HOMER1: variants seen among roughly 807,000 people sequenced by gnomAD.
HOMER1 encodes the protein homer scaffold protein 1.
Under a neutral mutation model 48.9 loss-of-function variants are expected in HOMER1, and 3 were observed. The ratio of observed to expected loss-of-function variants is 0.06; its 90% CI spans 0.03 to 0.16. The LOEUF (loss-of-function observed/expected upper bound fraction) is 0.16. HOMER1 is among the 10% of genes least tolerant of loss of function. The pLI, the probability that HOMER1 is intolerant of heterozygous loss-of-function variation, is 1.00. For missense variants in HOMER1, 247 were observed against 411.4 expected (o/e 0.60, Z 3.46); for synonymous variants, 134 against 146.4 (o/e 0.92, Z 0.61).
chr5:79,502,833 C>G (rs1342020529), intron 1 of HOMER1, among the ~76,000 whole-genome samples: 7 of 152,192 alleles, frequency 4.6e-5, no homozygotes, highest in Non-Finnish European at 8.8e-5. Context: ...CTCTGTCGCC[C>G]AGGCTGGAGT....
At chr5:79,381,234 A>G (rs960655431) in intron 8 of HOMER1, among the ~76,000 whole-genome samples, 4 of 152,122 alleles carry the variant, frequency 2.6e-5, no homozygotes, top group African/African-American at 9.7e-5. Flanking sequence ...AATCACAGGT[A>G]CTATTGATGC....
Position 79,397,513 on chromosome 5 carries a change from A to G in HOMER1, c.795+14T>C, listed in dbSNP as rs748926558. 1.1e-4 allele frequency: 151 copies of G among 1,418,000 alleles called. No homozygotes were observed. The highest frequency in any genetic ancestry group is 1.5e-4 in the Non-Finnish European group (147 of 1,005,800). 87.8% of individuals were successfully genotyped at this position (1,418,000 alleles called of 1,614,324 possible). ...TGTTAGCTAGATTACAGATGAGTAA[A>G]AAGCAGCAAATACCTCTTCCTTCAG... is the stretch of plus-strand genomic sequence containing the variant. On this transcript the variant is annotated intron_variant, in intron 7 of 8. Transcript: ENST00000334082.
chr5:79,480,813 T>G (rs961849102), intron 1 of HOMER1, among the ~76,000 whole-genome samples: 4 of 152,220 alleles, frequency 2.6e-5, no homozygotes, highest in Non-Finnish European at 5.9e-5. Flanking sequence ...TCTACTCTTG[T>G]ATCTTGTGTT....
Position 79,439,167 on chromosome 5 carries a change from G to C in HOMER1, c.388-18C>G, listed in dbSNP as rs564661709. ...GCGGATTCCTTTAAAAAAAGGGGTG[G>C]GGGATAAAAAATAGTTACACTTTTG... On this transcript the variant is annotated intron_variant, in intron 4 of 8. Coordinates refer to ENST00000334082, the MANE Select transcript of HOMER1 (RefSeq NM_004272.5). 6 of 1,612,296 alleles carry C rather than the reference G, an allele frequency of 3.7e-6. No homozygotes were observed. The highest frequency in any genetic ancestry group is 5.1e-6 in the Non-Finnish European group (6 of 1,179,326).
At position 79,510,880 on chromosome 5, in the gene HOMER1, A is replaced by G. The variant is rs1344932814; in HGVS notation, c.5+1890T>C. On this transcript the variant is annotated intron_variant, in intron 1 of 8. Transcript: ENST00000334082. ...GGCTCCCAAAGGTGCCCAGGCCCCT[A>G]CAGAGGCTTCAGAGTAGATATCTCT... is the stretch of plus-strand genomic sequence containing the variant. The G allele has an allele frequency of 2.5e-5, 17 of 690,158 alleles. No homozygotes were observed. The Admixed American group carries it at 3.4e-4, about 14-fold the overall frequency. 42.8% of individuals were successfully genotyped at this position (690,158 alleles called of 1,614,324 possible).
intron 2 of HOMER1, 66 bp downstream of exon 2, chr5:79,456,796 T>G: frequency 7.2e-7 from 1 of 1,386,818 alleles, no homozygotes; most frequent in Non-Finnish European, 1.0e-6. Flanking sequence ...ATGTTCTGAA[T>G]AGAACTAAAA....
Position 79,512,791 on chromosome 5 carries a change from TTGCTC to T in HOMER1, c.-22_-18del, listed in dbSNP as rs777091871. The T allele has an allele frequency of 1.9e-6, 3 of 1,613,492 alleles. No homozygotes were observed. In the East Asian group the frequency reaches 6.7e-5, roughly 36 times the overall value. ...TTACCCCATTTTGCCCAATGAAAAC[TTGCTC>T]TGAAGTTTCAGCTCTTATGCTACGG... On this transcript the variant is annotated 5_prime_UTR_variant, in exon 1 of 9. Coordinates refer to ENST00000334082, the MANE Select transcript of HOMER1 (RefSeq NM_004272.5).
intron 6 of HOMER1, among the ~76,000 whole-genome samples, chr5:79,399,840 G>T (rs1749487463): frequency 6.6e-6 from 1 of 152,108 alleles, no homozygotes; most frequent in Non-Finnish European, 1.5e-5. Flanking sequence ...AGTACACTTG[G>T]AGTACAAAAA....
At chr5:79,427,085 C>T (rs1750277442) in intron 5 of HOMER1, among the ~76,000 whole-genome samples, 1 of 152,076 alleles carries the variant, frequency 6.6e-6, no homozygotes, top group African/African-American at 2.4e-5. Flanking sequence ...GCTGAATACT[C>T]AAAACTACAT....
At chr5:79,425,328 A>C (rs1339438673) in intron 5 of HOMER1, among the ~76,000 whole-genome samples, 4 of 152,030 alleles carry the variant, frequency 2.6e-5, no homozygotes, top group Non-Finnish European at 5.9e-5. Flanking sequence ...AGGATGTAAG[A>C]GAATAAAGAG....
At chr5:79,512,638 AT>A (rs1325663362) in intron 1 of HOMER1, 131 bp downstream of exon 1, 1 of 820,466 alleles carries the variant, frequency 1.2e-6, no homozygotes, top group African/African-American at 1.7e-5. Flanking sequence ...TAGCATGCCT[AT>A]TTCTTTAAAG....
At chr5:79,416,453 G>C (rs551625717) in intron 5 of HOMER1, among the ~76,000 whole-genome samples, 57 of 152,280 alleles carry the variant, frequency 3.7e-4, no homozygotes, top group Non-Finnish European at 7.2e-4. Context: ...TGATTTGAGA[G>C]AGCACAGCAA....
At chr5:79,490,288 T>G (rs1237737169) in intron 1 of HOMER1, among the ~76,000 whole-genome samples, 1 of 151,954 alleles carries the variant, frequency 6.6e-6, no homozygotes, top group Non-Finnish European at 1.5e-5. Context: ...CTTTTATTTA[T>G]TTTTTTTATT....
chr5:79,467,525 A>G (rs1751505434), intron 1 of HOMER1, among the ~76,000 whole-genome samples: 1 of 152,156 alleles, frequency 6.6e-6, no homozygotes, highest in South Asian at 2.1e-4. Context: ...GTGGATGTTC[A>G]GTCCATATAA....
chr5:79,434,325 A>T (rs903362591), intron 5 of HOMER1, among the ~76,000 whole-genome samples: 93 of 151,572 alleles, frequency 6.1e-4, no homozygotes, highest in Middle Eastern at 3.4e-3. Flanking sequence ...AAATCTTTTT[A>T]AAAAAATCTA....
chr5:79,379,093 TATATATATATATATATATATAA>T (rs1283462400), intron 8 of HOMER1, among the ~76,000 whole-genome samples: 2,459 of 60,674 alleles, frequency 0.041, 158 homozygotes, highest in Admixed American at 0.058. Context: ...TATATATATA[TATATATATATATATATATATAA>T]AATATATAAA....
At chr5:79,502,346 T>C (rs1752619681) in intron 1 of HOMER1, among the ~76,000 whole-genome samples, 1 of 152,072 alleles carries the variant, frequency 6.6e-6, no homozygotes, top group Non-Finnish European at 1.5e-5. Context: ...CTGTAATAAA[T>C]ATTTTTTTTA....
chr5:79,400,048 G>A (rs1749490964), intron 6 of HOMER1, among the ~76,000 whole-genome samples: 1 of 151,410 alleles, frequency 6.6e-6, no homozygotes, highest in Admixed American at 6.6e-5. Context: ...AGACATGATA[G>A]CTCCTTAATA....
At chr5:79,406,095 T>C (rs939967157) in intron 5 of HOMER1, among the ~76,000 whole-genome samples, 8 of 152,266 alleles carry the variant, frequency 5.3e-5, no homozygotes, top group African/African-American at 1.9e-4. Context: ...GCAGAAGTAC[T>C]TTTTATATGA....
Sources: allele counts gnomAD v4.1 joint callset (sites outside exome capture counted in the v4.1 genomes callset), GRCh38; gene constraint gnomAD v4.1.1; transcripts MANE v1.5; gene names NCBI Gene and HGNC (gene_info 2026-07-23, HGNC 2026-07-21).